PDE10A: variants seen among roughly 807,000 people sequenced by gnomAD.
PDE10A encodes the protein cAMP and cAMP-inhibited cGMP 3',5'-cyclic phosphodiesterase 10A.
PDE10A carries 39 observed loss-of-function variants against 97.7 expected under a neutral mutation model. That is an observed-to-expected ratio of 0.40 (90% CI 0.31 to 0.52). The LOEUF (loss-of-function observed/expected upper bound fraction) is 0.52. Among genes scored for constraint, PDE10A ranks in the 20% least tolerant of loss-of-function variants. PDE10A has a pLI of 0.56. For missense variants in PDE10A, 731 were observed against 1,047.8 expected (o/e 0.70, Z 4.17); for synonymous variants, 371 against 376.8 (o/e 0.98, Z 0.18).
chr6:165,685,321 A>G (rs1382228386), intron 1 of PDE10A, among the ~76,000 whole-genome samples: 1 of 152,022 alleles, frequency 6.6e-6, no homozygotes, highest in East Asian at 1.9e-4. Flanking sequence ...AAACAGATCA[A>G]AATGGTGGCT....
chr6:165,964,382 A>AT (rs945274042), intron 1 of PDE10A, among the ~76,000 whole-genome samples: 14 of 151,992 alleles, frequency 9.2e-5, no homozygotes, highest in Admixed American at 2.0e-4. Context: ...CATAGGACTT[A>AT]TTTTTTTTAT....
At position 165,591,122 on chromosome 6, in the gene PDE10A, T is replaced by C. The variant is rs963337052; in HGVS notation, c.866-47554A>G. Among the ~76,000 whole-genome samples the C allele has an allele frequency of 6.6e-5, 10 of 152,108 alleles. No individual in the cohort carries two copies. The South Asian group carries it at 8.3e-4, about 13-fold the overall frequency. On this transcript the variant is annotated intron_variant, in intron 1 of 21. Transcript: ENST00000539869. ...ATTTTTATTGGGAAAAAAAGGAGCATAGGATGGCATGAAAGACAGGAAATC... is the reference window on the plus strand; with the variant it reads ...ATTTTTATTGGGAAAAAAAGGAGCACAGGATGGCATGAAAGACAGGAAATC...
intron 1 of PDE10A, among the ~76,000 whole-genome samples, chr6:165,943,287 G>GA (rs1417281659): frequency 4.6e-5 from 4 of 86,328 alleles, no homozygotes; most frequent in African/African-American, 1.2e-4. Flanking sequence ...AAGAAAGAAA[G>GA]AAAGAAGGAA....
In PDE10A at chr6:165,372,760, C is replaced by G. The variant is rs1302505856; in HGVS notation, c.2783+6434G>C. Among the ~76,000 whole-genome samples the G allele has an allele frequency of 3.3e-5, 4 of 121,708 alleles. 1 individual carries two copies. The highest frequency in any genetic ancestry group is 6.7e-5 in the Non-Finnish European group (4 of 59,540). 79.8% of individuals were successfully genotyped at this position (121,708 alleles called of 152,430 possible). On this transcript the variant is annotated intron_variant, in intron 18 of 21. Coordinates refer to ENST00000539869, the MANE Select transcript of PDE10A (RefSeq NM_001385079.1). Reference sequence around the variant, plus strand: ...GTTCATATGGAACCAAAAAAGAGCCCGCATTGCCAAGTCAATCCTAAGCCA... The same window carrying G: ...GTTCATATGGAACCAAAAAAGAGCCGGCATTGCCAAGTCAATCCTAAGCCA...
intron 1 of PDE10A, among the ~76,000 whole-genome samples, chr6:165,926,864 T>C (rs1247624031): frequency 6.6e-6 from 1 of 152,258 alleles, no homozygotes; most frequent in Admixed American, 6.5e-5. Context: ...AATGGAAATA[T>C]GTTGCATTTC....
At chr6:165,497,892 G>A (rs1031829758) in intron 2 of PDE10A, among the ~76,000 whole-genome samples, 3 of 152,098 alleles carry the variant, frequency 2.0e-5, no homozygotes, top group African/African-American at 7.2e-5. Context: ...CGACATTTGA[G>A]GCAGTATTCA....
chr6:165,807,219 A>G (rs1367126801), intron 1 of PDE10A, among the ~76,000 whole-genome samples: 1 of 148,124 alleles, frequency 6.8e-6, no homozygotes, highest in African/African-American at 2.7e-5. Context: ...AGTATTCATA[A>G]GTCAGATAAG....
At chr6:165,953,516 A>G (rs1194559568) in intron 1 of PDE10A, among the ~76,000 whole-genome samples, 1 of 152,006 alleles carries the variant, frequency 6.6e-6, no homozygotes, top group Non-Finnish European at 1.5e-5. Context: ...GCTTGAACCC[A>G]GGAAGCGGAG....
chr6:165,859,135 A>G (rs1780830096), intron 1 of PDE10A, among the ~76,000 whole-genome samples: 2 of 152,190 alleles, frequency 1.3e-5, no homozygotes, highest in Admixed American at 6.5e-5. Context: ...ACTTAATTTT[A>G]TGTGTGTTTC....
chr6:165,912,438 G>A (rs535355067), intron 1 of PDE10A, among the ~76,000 whole-genome samples: 1 of 152,300 alleles, frequency 6.6e-6, no homozygotes, highest in African/African-American at 2.4e-5. Flanking sequence ...AGCTGAGGGT[G>A]GACAAGGCAA....
intron 1 of PDE10A, among the ~76,000 whole-genome samples, chr6:165,814,192 C>A (rs1378507672): frequency 6.6e-6 from 1 of 152,154 alleles, no homozygotes; most frequent in Non-Finnish European, 1.5e-5. Flanking sequence ...GGACTGTGGA[C>A]CTGCAGGTGT....
intron 20 of PDE10A, among the ~76,000 whole-genome samples, chr6:165,338,448 A>G (rs1031228265): frequency 6.6e-6 from 1 of 152,220 alleles, no homozygotes; most frequent in African/African-American, 2.4e-5. Context: ...ATATGACACC[A>G]CACATACACA....
intron 1 of PDE10A, chr6:165,576,515 A>G (rs184788247): frequency 1.4e-5 from 11 of 773,478 alleles, no homozygotes; most frequent in Admixed American, 1.4e-4. Flanking sequence ...TCTGTGGATG[A>G]CTTCTATATC....
At chr6:165,732,022 G>A (rs138423765) in intron 1 of PDE10A, among the ~76,000 whole-genome samples, 33 of 152,276 alleles carry the variant, frequency 2.2e-4, no homozygotes, top group Middle Eastern at 3.4e-3. Flanking sequence ...ACCCAGCCCT[G>A]TCACTGGATG....
At position 165,883,549 on chromosome 6, in the gene PDE10A, A is replaced by AT. The variant is rs35384832; in HGVS notation, c.-615+103979_-615+103980insA. ...ATTGAGACTCCGTCTCAAAAAAAAA[A>AT]AAAATAAATAAAAATAAAAATAAAC... On this transcript the variant is annotated intron_variant, in intron 1 of 19. Transcript: ENST00000366882. 9.2e-3 allele frequency among the ~76,000 whole-genome samples: 584 copies of AT among 63,210 alleles called. 8 individuals carry two copies. Among genetic ancestry groups the AT allele is most frequent in the African/African-American group, 0.029 (565 of 19,264 alleles). The allele number at this position is 63,210 out of a possible 152,430, so 41.5% of individuals were successfully genotyped here. A position where few individuals can be genotyped will look rare whatever the true frequency, so the allele number is the denominator to read the frequency against.
chr6:165,356,100 G>A (rs530194571), intron 18 of PDE10A, among the ~76,000 whole-genome samples: 1 of 152,190 alleles, frequency 6.6e-6, no homozygotes, highest in Non-Finnish European at 1.5e-5. Context: ...ATCTGGGTGA[G>A]AATTCATTCA....
At chr6:165,700,283 T>G (rs779426362) in intron 1 of PDE10A, among the ~76,000 whole-genome samples, 4 of 150,744 alleles carry the variant, frequency 2.7e-5, no homozygotes, top group Admixed American at 2.0e-4. Context: ...TGTGTAGGGA[T>G]GAGAGGAAGG....
chr6:165,339,167 C>T (rs1374949817), intron 20 of PDE10A, 111 bp downstream of exon 20: 3 of 767,830 alleles, frequency 3.9e-6, no homozygotes, highest in African/African-American at 1.7e-5. Flanking sequence ...CCTGGAATAA[C>T]CCATTCCCTT....
At chr6:165,450,105 T>C in intron 4 of PDE10A, 137 bp downstream of exon 4, 1 of 613,776 alleles carries the variant, frequency 1.6e-6, no homozygotes, top group Non-Finnish European at 2.8e-6. Context: ...TAATAAAATA[T>C]TTTCACTTGA....
Sources: allele counts gnomAD v4.1 joint callset (sites outside exome capture counted in the v4.1 genomes callset), GRCh38; gene constraint gnomAD v4.1.1; transcripts MANE v1.5; gene names NCBI Gene and HGNC (gene_info 2026-07-23, HGNC 2026-07-21).